Variants in SLC4A4 observed in about 807,000 individuals in gnomAD.
SLC4A4 encodes electrogenic sodium bicarbonate cotransporter 1.
Under a neutral mutation model 111.5 loss-of-function variants are expected in SLC4A4, and 27 were observed. The ratio of observed to expected loss-of-function variants is 0.24; its 90% CI spans 0.18 to 0.33. The LOEUF (loss-of-function observed/expected upper bound fraction) is 0.33. SLC4A4 is among the 10% of genes least tolerant of loss of function. SLC4A4 has a pLI of 1.00. For synonymous variants in SLC4A4, 443 were observed against 463.4 expected, an observed-to-expected ratio of 0.96 and a Z score of 0.57; for missense variants, 909 against 1,315.5, an observed-to-expected ratio of 0.69 and a Z score of 4.78.
At chr4:71,179,426 C>T (rs1578556599) in intron 2 of SLC4A4, among the ~76,000 whole-genome samples, 2 of 152,178 alleles carry the variant, frequency 1.3e-5, no homozygotes, top group Admixed American at 1.3e-4. Context: ...TCCCTGTTTG[C>T]AGATGACATG....
chr4:71,415,261 C>A (rs1721732990), intron 7 of SLC4A4, among the ~76,000 whole-genome samples: 1 of 152,154 alleles, frequency 6.6e-6, no homozygotes, highest in African/African-American at 2.4e-5. Flanking sequence ...GATTGTATAT[C>A]TGAATTAAAT....
At chr4:71,451,921 G>A (rs927894760) in intron 11 of SLC4A4, among the ~76,000 whole-genome samples, 1 of 152,182 alleles carries the variant, frequency 6.6e-6, no homozygotes, top group Non-Finnish European at 1.5e-5. Flanking sequence ...AGTTCTCACT[G>A]TTCTGCCTCC....
rs201375629 is a variant in SLC4A4, at chr4:71,448,337, AAG to A, written c.1053+605_1053+606del. Reference sequence around the variant, plus strand: ...TCCATCTCAAAAAAAAAAAAAAAAAAAGGTTCAAGGTCATTGTATTAACTTAA... The same window carrying A: ...TCCATCTCAAAAAAAAAAAAAAAAAAGTTCAAGGTCATTGTATTAACTTAA... On this transcript the variant is annotated intron_variant, in intron 9 of 25. Coordinates refer to ENST00000264485, the MANE Select transcript of SLC4A4 (RefSeq NM_001098484.3). 4.8e-3 allele frequency among the ~76,000 whole-genome samples: 734 copies of A among 151,446 alleles called. 2 individuals are homozygous for A. Among genetic ancestry groups the A allele is most frequent in the African/African-American group, 0.017 (687 of 41,278 alleles).
intron 2 of SLC4A4, among the ~76,000 whole-genome samples, chr4:71,169,586 A>T (rs1324594630): frequency 6.6e-6 from 1 of 152,118 alleles, no homozygotes; most frequent in Non-Finnish European, 1.5e-5. Context: ...TGAGCTCCTT[A>T]TATATTCTGG....
intron 16 of SLC4A4, among the ~76,000 whole-genome samples, chr4:71,512,812 A>G (rs1218594874): frequency 6.6e-6 from 1 of 152,196 alleles, no homozygotes; most frequent in Non-Finnish European, 1.5e-5. Context: ...ATGTTTGCAT[A>G]TGGTGAGGTA....
intron 1 of SLC4A4, among the ~76,000 whole-genome samples, chr4:71,204,552 T>C (rs1184001803): frequency 1.3e-5 from 2 of 152,322 alleles, no homozygotes; most frequent in Admixed American, 1.3e-4. Context: ...CATTTTGCAA[T>C]ACTATTTTTT....
At position 71,082,434 on chromosome 4, in the gene SLC4A4, C is replaced by A. The variant is rs138361962; in HGVS notation, c.-64-10296C>A. 6.6e-5 allele frequency among the ~76,000 whole-genome samples: 10 copies of A among 152,104 alleles called. No individual in the cohort carries two copies. The East Asian group carries it at 1.7e-3, about 26-fold the overall frequency. On this transcript the variant is annotated intron_variant, in intron 1 of 26. Transcript: ENST00000649996. ...ACTTTGACGTCTTCCCCCTCCCTTG[C>A]CTGCCTGCTAGAACAGCCACCAAAT...
At chr4:71,136,110 A>G (rs928771543) in intron 2 of SLC4A4, among the ~76,000 whole-genome samples, 3 of 152,186 alleles carry the variant, frequency 2.0e-5, no homozygotes, top group African/African-American at 7.2e-5. Context: ...TTTAGAGCCA[A>G]GCCCTTTGTG....
At chr4:71,482,900 T>C (rs994953112) in intron 14 of SLC4A4, among the ~76,000 whole-genome samples, 3 of 151,634 alleles carry the variant, frequency 2.0e-5, no homozygotes, top group Non-Finnish European at 3.0e-5. Flanking sequence ...ACTCTGCTTC[T>C]GATAAACTAT....
chr4:71,558,856 CT>C (rs1407676295), intron 22 of SLC4A4, among the ~76,000 whole-genome samples: 1 of 151,216 alleles, frequency 6.6e-6, no homozygotes, highest in African/African-American at 2.4e-5. Flanking sequence ...TCTTTCTTTC[CT>C]TTTTTTAAAA....
At chr4:71,351,997 G>C (rs1462272889) in intron 5 of SLC4A4, among the ~76,000 whole-genome samples, 1 of 152,138 alleles carries the variant, frequency 6.6e-6, no homozygotes, top group Admixed American at 6.6e-5. Context: ...TATATGAGAA[G>C]AGATCTTGGA....
rs1364576628 is a variant in SLC4A4, at chr4:71,532,097, G to C, written c.2202G>C (p.Leu734Phe). 2.5e-6 allele frequency: 4 copies of C among 1,612,892 alleles called. No individual in the cohort carries two copies. The highest frequency in any genetic ancestry group is 3.4e-6 in the Non-Finnish European group (4 of 1,179,312). Residue 734 changes from leucine to phenylalanine, a missense_variant, in exon 17 of 26, where the codon TTG becomes TTC. Transcript: ENST00000264485. The stretch of plus-strand genomic sequence containing the variant: ...TGATCAGTGATTTTGCCATTATCTT[G>C]TCCATTCTCATCTTTTGTGTAATAG... ...RKLISDFAIILSILIFCVIDA... is the reference protein window; with the variant it reads ...RKLISDFAIIFSILIFCVIDA...
chr4:71,309,652 C>A (rs1052473364), intron 3 of SLC4A4, among the ~76,000 whole-genome samples: 15 of 152,064 alleles, frequency 9.9e-5, no homozygotes, highest in African/African-American at 3.6e-4. Flanking sequence ...AAAAGGACCC[C>A]CACACACAGA....
In SLC4A4 at chr4:71,437,360, C is replaced by T. The variant is rs571618912; in HGVS notation, c.808-3256C>T. 5.8e-5 allele frequency: 19 copies of T among 329,132 alleles called. No individual in the cohort carries two copies. The East Asian group carries it at 1.4e-3, about 25-fold the overall frequency. The allele number at this position is 329,132 out of a possible 1,614,324, so 20.4% of individuals were successfully genotyped here. On this transcript the variant is annotated intron_variant, in intron 7 of 25. Transcript: ENST00000264485. ...TTCCAGAATACATAAGTTACAATAT[C>T]CAGTAAATTAGAAACTACTATCAGT... is the stretch of plus-strand genomic sequence containing the variant.
chr4:71,327,214 G>C lies in SLC4A4; in HGVS notation c.254-12156G>C, dbSNP rs1189524336. Among the ~76,000 whole-genome samples the C allele has an allele frequency of 3.3e-5, 5 of 152,032 alleles. No homozygotes were observed. The South Asian group carries it at 6.2e-4, about 19-fold the overall frequency. On this transcript the variant is annotated intron_variant, in intron 3 of 25. Coordinates refer to ENST00000264485, the MANE Select transcript of SLC4A4 (RefSeq NM_001098484.3). ...AGGGTACATTCGCAAAATGCCTTTT[G>C]GTGAATAATGAACCAAATTTCAACT...
In SLC4A4 at chr4:71,475,287, G is replaced by A. The variant is rs570455782; in HGVS notation, c.1903+2317G>A. Among the ~76,000 whole-genome samples the A allele has an allele frequency of 1.1e-4, 16 of 151,860 alleles. No individual in the cohort carries two copies. In the South Asian group the frequency reaches 2.5e-3, roughly 24 times the overall value. On this transcript the variant is annotated intron_variant, in intron 14 of 25. Coordinates refer to ENST00000264485, the MANE Select transcript of SLC4A4 (RefSeq NM_001098484.3). Reference sequence around the variant, plus strand: ...CTGAGGCGAATGGAAACTTGTGTTCGTTGTTTTATAATTTGGATGTTGGCA... The same window carrying A: ...CTGAGGCGAATGGAAACTTGTGTTCATTGTTTTATAATTTGGATGTTGGCA...
At chr4:71,508,191 G>A (rs1342079391) in intron 16 of SLC4A4, among the ~76,000 whole-genome samples, 4 of 152,012 alleles carry the variant, frequency 2.6e-5, no homozygotes, top group Admixed American at 2.6e-4. Flanking sequence ...AGAACCAAGA[G>A]CAAACAAACC....
At chr4:71,359,594 T>C (rs1020752665) in intron 6 of SLC4A4, among the ~76,000 whole-genome samples, 6 of 152,216 alleles carry the variant, frequency 3.9e-5, no homozygotes, top group Non-Finnish European at 8.8e-5. Flanking sequence ...TTACTTAATA[T>C]CTTTAAAAAA....
chr4:71,079,460 C>T (rs1378492030), intron 1 of SLC4A4, among the ~76,000 whole-genome samples: 1 of 152,136 alleles, frequency 6.6e-6, no homozygotes, highest in Non-Finnish European at 1.5e-5. Context: ...ACTATGATGA[C>T]AGGATTCAAA....
Sources: gnomAD v4.1 joint callset for allele counts (sites outside exome capture counted in the v4.1 genomes callset) on GRCh38, gnomAD v4.1.1 for gene constraint, MANE v1.5 for transcripts, NCBI Gene and HGNC (gene_info 2026-07-23, HGNC 2026-07-21) for gene names.